TMEM117: variants seen among roughly 807,000 people sequenced by gnomAD.
The protein encoded by TMEM117 is transmembrane protein 117.
In TMEM117, 27 loss-of-function variants were observed where a neutral mutation model predicts 52.4. The observed-to-expected ratio is 0.51, with a 90% CI of 0.38 to 0.71. The LOEUF is 0.71. TMEM117 is among the 30% of genes least tolerant of loss of function. The pLI is 0.00. For missense variants in TMEM117, 556 were observed against 630.5 expected (o/e 0.88, Z 1.26); for synonymous variants, 215 against 206.3 (o/e 1.04, Z -0.36).
intron 5 of TMEM117, among the ~76,000 whole-genome samples, chr12:44,256,639 T>G (rs1950263509): frequency 6.6e-6 from 1 of 152,076 alleles, no homozygotes; most frequent in South Asian, 2.1e-4. Context: ...GCAATAGGAA[T>G]TGATATGATG....
chr12:44,115,665 C>A (rs550599739), intron 3 of TMEM117, among the ~76,000 whole-genome samples: 1 of 152,162 alleles, frequency 6.6e-6, no homozygotes, highest in South Asian at 2.1e-4. Context: ...AATTTTCAAG[C>A]CTGTCTGCAT....
intron 6 of TMEM117, among the ~76,000 whole-genome samples, chr12:44,301,166 G>A (rs997411814): frequency 2.0e-5 from 3 of 152,048 alleles, no homozygotes; most frequent in African/African-American, 4.8e-5. Flanking sequence ...TTCTTTGATT[G>A]TCCATTACCA....
chr12:44,181,018 T>C (rs1949189953), intron 4 of TMEM117, among the ~76,000 whole-genome samples: 2 of 152,166 alleles, frequency 1.3e-5, no homozygotes, highest in African/African-American at 4.8e-5. Context: ...GCACCTGTTG[T>C]TTCCTGACTT....
intron 4 of TMEM117, among the ~76,000 whole-genome samples, chr12:44,168,344 A>G (rs183395985): frequency 2.0e-5 from 3 of 152,152 alleles, no homozygotes; most frequent in East Asian, 3.9e-4. Context: ...ATATTGTTTT[A>G]TTGAAGCAAT....
At chr12:44,034,888 T>C (rs1241749994) in intron 3 of TMEM117, among the ~76,000 whole-genome samples, 19 of 152,172 alleles carry the variant, frequency 1.2e-4, no homozygotes, top group Admixed American at 1.1e-3. Context: ...CCCTCTCCAG[T>C]GTGAGCAGGC....
intron 3 of TMEM117, among the ~76,000 whole-genome samples, chr12:43,987,064 G>A (rs990430586): frequency 6.6e-6 from 1 of 152,030 alleles, no homozygotes; most frequent in African/African-American, 2.4e-5. Context: ...TTGGCTACAG[G>A]GTCTTTAAAG....
intron 3 of TMEM117, among the ~76,000 whole-genome samples, chr12:44,089,377 C>T (rs1360760144): frequency 1.3e-5 from 2 of 152,018 alleles, no homozygotes; most frequent in Non-Finnish European, 2.9e-5. Context: ...ATAAAGCCAC[C>T]ACCCTGACAA....
chr12:44,116,890 C>G (rs984988808), intron 3 of TMEM117, among the ~76,000 whole-genome samples: 1 of 152,210 alleles, frequency 6.6e-6, no homozygotes, highest in Non-Finnish European at 1.5e-5. Flanking sequence ...TTCCTTGACT[C>G]TCTGCAGTAG....
At chr12:43,817,106 A>G in the TMEM117 span, among the ~76,000 whole-genome samples, 6 of 152,218 alleles carry the variant, frequency 3.9e-5, no homozygotes, top group Non-Finnish European at 7.3e-5. Context: ...TGCTCTTCTT[A>G]AAATAGAAAT....
chr12:44,337,490 C>G (rs534288734), intron 6 of TMEM117, among the ~76,000 whole-genome samples: 1 of 152,108 alleles, frequency 6.6e-6, no homozygotes, highest in African/African-American at 2.4e-5. Flanking sequence ...AAGAATGTCA[C>G]AGAGCTGCTT....
At chr12:44,220,529 T>C (rs1411876176) in intron 5 of TMEM117, among the ~76,000 whole-genome samples, 2 of 152,170 alleles carry the variant, frequency 1.3e-5, no homozygotes, top group African/African-American at 2.4e-5. Context: ...TATGTTTGTA[T>C]ATAGCTCACT....
chr12:43,954,830 AAAAG>A (rs1945281525), intron 3 of TMEM117, among the ~76,000 whole-genome samples: 2 of 152,214 alleles, frequency 1.3e-5, no homozygotes. Context: ...ATACAACAAA[AAAAG>A]AAAACTTCAG....
At chr12:43,983,283 T>G (rs1037167485) in intron 3 of TMEM117, among the ~76,000 whole-genome samples, 4 of 152,080 alleles carry the variant, frequency 2.6e-5, no homozygotes, top group Non-Finnish European at 5.9e-5. Context: ...GAGGGCAAGA[T>G]CCAGTGCAGG....
At chr12:44,005,647 C>A (rs1281517299) in intron 3 of TMEM117, among the ~76,000 whole-genome samples, 1 of 152,142 alleles carries the variant, frequency 6.6e-6, no homozygotes, top group Admixed American at 6.6e-5. Context: ...AATCTCCAGG[C>A]CTTCTTGCAG....
rs73087654 is a variant in TMEM117, at chr12:44,010,405, A to G, written c.410+66063A>G. Among the ~76,000 whole-genome samples the G allele has an allele frequency of 9.3e-3, 1,411 of 152,206 alleles. 10 individuals carry two copies. Among genetic ancestry groups the G allele is most frequent in the Middle Eastern group, 0.037 (11 of 294 alleles). On this transcript the variant is annotated intron_variant, in intron 3 of 7. Coordinates refer to ENST00000266534, the MANE Select transcript of TMEM117 (RefSeq NM_032256.3). ...GGAAGCGGTGTCAGGAAAGCGCACTATGCCTGGCAAGTGAAGCTCCAAGAT... is the reference window on the plus strand; with the variant it reads ...GGAAGCGGTGTCAGGAAAGCGCACTGTGCCTGGCAAGTGAAGCTCCAAGAT...
intron 5 of TMEM117, among the ~76,000 whole-genome samples, chr12:44,279,803 C>T (rs1384352555): frequency 4.6e-5 from 7 of 152,112 alleles, no homozygotes; most frequent in Admixed American, 3.9e-4. Flanking sequence ...CGTGAGCCAG[C>T]GCACCCGGCC....
At chr12:43,832,912 A>T (rs1231844216), upstream of TMEM117, among the ~76,000 whole-genome samples, 1 of 152,200 alleles carries the variant, frequency 6.6e-6, no homozygotes, top group Non-Finnish European at 1.5e-5. Flanking sequence ...AGCCTTCAAT[A>T]AGTTGAGCTT....
intron 3 of TMEM117, among the ~76,000 whole-genome samples, chr12:44,105,181 T>G (rs1317513993): frequency 1.3e-5 from 2 of 152,000 alleles, no homozygotes; most frequent in Non-Finnish European, 2.9e-5. Context: ...TTTTTCCCTT[T>G]GATTTTCAAT....
Position 43,951,721 on chromosome 12 carries a change from C to T in TMEM117, c.410+7379C>T, listed in dbSNP as rs74084768. Among the ~76,000 whole-genome samples the T allele has an allele frequency of 2.8e-3, 420 of 152,264 alleles. 2 individuals carry two copies. The highest frequency in any genetic ancestry group is 9.6e-3 in the African/African-American group (397 of 41,550). On this transcript the variant is annotated intron_variant, in intron 3 of 7. Transcript: ENST00000266534. The stretch of plus-strand genomic sequence containing the variant: ...GCTTAATCTTTCTTGCCTGCCAGCT[C>T]TGAAGAGATTGATGAGGGCTCTGAT...
Sources: allele counts gnomAD v4.1 joint callset (sites outside exome capture counted in the v4.1 genomes callset), GRCh38; gene constraint gnomAD v4.1.1; transcripts MANE v1.5; gene names NCBI Gene and HGNC (gene_info 2026-07-23, HGNC 2026-07-21).